UBE2E2: variants seen among roughly 807,000 people sequenced by gnomAD.
The protein encoded by UBE2E2 is ubiquitin conjugating enzyme E2 E2.
A neutral mutation model predicts 24.7 loss-of-function variants in UBE2E2; 6 were observed. That is an observed-to-expected ratio of 0.24 (90% CI 0.13 to 0.48). The LOEUF (loss-of-function observed/expected upper bound fraction) is 0.48, where lower values mean the gene tolerates loss of function less well. Ranked by LOEUF, UBE2E2 falls within the 20% of genes least tolerant of loss-of-function variation. The pLI, the probability that UBE2E2 is intolerant of heterozygous loss-of-function variation, is 0.99. For synonymous variants in UBE2E2, 104 were observed against 83.6 expected (o/e 1.24, Z -1.33); for missense variants, 169 against 245.0 (o/e 0.69, Z 2.07).
chr3:23,521,367 A>G (rs1247142299), intron 4 of UBE2E2, among the ~76,000 whole-genome samples: 1 of 152,222 alleles, frequency 6.6e-6, no homozygotes, highest in Non-Finnish European at 1.5e-5. Flanking sequence ...CATGGAATCC[A>G]TTAACTATCT....
rs182564877 is a variant in UBE2E2, at chr3:23,520,694, A to C, written c.361-11860A>C. Among the ~76,000 whole-genome samples, 384 of 152,286 alleles carry C rather than the reference A, an allele frequency of 2.5e-3. 4 individuals are homozygous for C. Among genetic ancestry groups the C allele is most frequent in the African/African-American group, 8.9e-3 (368 of 41,544 alleles). ...ACAGAGTCTCTGTCATTCAGGCTAG[A>C]GTATATGGTGTAATCATAGCTCACT... On this transcript the variant is annotated intron_variant, in intron 4 of 5. Coordinates refer to ENST00000396703, the MANE Select transcript of UBE2E2 (RefSeq NM_152653.4).
intron 3 of UBE2E2, among the ~76,000 whole-genome samples, chr3:23,346,178 G>A (rs980977346): frequency 6.6e-6 from 1 of 152,134 alleles, no homozygotes; most frequent in Non-Finnish European, 1.5e-5. Context: ...CAAACTCAGA[G>A]CCTGTTGAAT....
intron 3 of UBE2E2, among the ~76,000 whole-genome samples, chr3:23,300,289 A>C (rs1699035711): frequency 6.6e-6 from 1 of 152,022 alleles, no homozygotes; most frequent in African/African-American, 2.4e-5. Flanking sequence ...TTACATTTAA[A>C]GTTAATATTG....
intron 3 of UBE2E2, among the ~76,000 whole-genome samples, chr3:23,301,072 A>C (rs1403351436): frequency 1.3e-5 from 2 of 152,126 alleles, no homozygotes; most frequent in African/African-American, 4.8e-5. Flanking sequence ...CCAACTGATC[A>C]CATTGGCTCC....
chr3:23,275,643 T>G (rs930452975), intron 3 of UBE2E2, among the ~76,000 whole-genome samples: 5 of 152,218 alleles, frequency 3.3e-5, no homozygotes, highest in African/African-American at 1.2e-4. Context: ...AGCAGTCTTA[T>G]TCTCAGTTTT....
At chr3:23,501,618 CAT>C (rs1315241607) in intron 4 of UBE2E2, among the ~76,000 whole-genome samples, 1 of 152,174 alleles carries the variant, frequency 6.6e-6, no homozygotes, top group Admixed American at 6.5e-5. Flanking sequence ...TCTGTCCTCA[CAT>C]GTTTTAGGGA....
intron 3 of UBE2E2, among the ~76,000 whole-genome samples, chr3:23,359,587 A>C (rs1196047432): frequency 6.6e-6 from 1 of 152,222 alleles, no homozygotes; most frequent in Non-Finnish European, 1.5e-5. Flanking sequence ...TCTATTAAAA[A>C]AAATTTGTAG....
At chr3:23,557,668 C>A (rs1319471916) in intron 5 of UBE2E2, among the ~76,000 whole-genome samples, 1 of 152,172 alleles carries the variant, frequency 6.6e-6, no homozygotes, top group Non-Finnish European at 1.5e-5. Context: ...CGTCAACCAA[C>A]ATTGAACAAA....
intron 3 of UBE2E2, among the ~76,000 whole-genome samples, chr3:23,226,424 A>T (rs1051877571): frequency 3.3e-5 from 5 of 151,930 alleles, no homozygotes; most frequent in Non-Finnish European, 7.4e-5. Flanking sequence ...TCTGTATGTG[A>T]TGTCATTTAG....
chr3:23,436,918 G>C (rs771894319), intron 3 of UBE2E2, among the ~76,000 whole-genome samples: 1 of 152,118 alleles, frequency 6.6e-6, no homozygotes, highest in Non-Finnish European at 1.5e-5. Flanking sequence ...CTATGAGCTG[G>C]GTGCTACAAG....
chr3:23,303,720 C>T (rs1274863940), intron 3 of UBE2E2, among the ~76,000 whole-genome samples: 2 of 152,016 alleles, frequency 1.3e-5, no homozygotes, highest in African/African-American at 2.4e-5. Flanking sequence ...ATACAGCGTA[C>T]TTGGAATGAA....
intron 3 of UBE2E2, among the ~76,000 whole-genome samples, chr3:23,310,532 G>A (rs770399818): frequency 6.6e-6 from 1 of 152,144 alleles, no homozygotes; most frequent in African/African-American, 2.4e-5. Flanking sequence ...GAATGAAAAG[G>A]AAAGAGACAA....
intron 3 of UBE2E2, among the ~76,000 whole-genome samples, chr3:23,493,564 A>C (rs1699543056): frequency 6.6e-6 from 1 of 152,220 alleles, no homozygotes; most frequent in South Asian, 2.1e-4. Context: ...AAAATAAAAC[A>C]GTAAGGGAAT....
intron 3 of UBE2E2, among the ~76,000 whole-genome samples, chr3:23,262,191 C>T (rs1575513466): frequency 6.6e-6 from 1 of 152,122 alleles, no homozygotes; most frequent in Non-Finnish European, 1.5e-5. Flanking sequence ...ATTTGCAGTT[C>T]CCTGATGATA....
chr3:23,345,851 A>G (rs1475142770), intron 3 of UBE2E2, among the ~76,000 whole-genome samples: 4 of 152,126 alleles, frequency 2.6e-5, no homozygotes, highest in Admixed American at 2.6e-4. Flanking sequence ...CATTCCTTTC[A>G]AATTTGTATT....
chr3:23,433,837 T>C (rs1431840558), intron 3 of UBE2E2, among the ~76,000 whole-genome samples: 1 of 152,034 alleles, frequency 6.6e-6, no homozygotes, highest in East Asian at 1.9e-4. Flanking sequence ...CATGTCTTGC[T>C]TTTTCACAAG....
At chr3:23,305,304 C>T (rs7627380) in intron 3 of UBE2E2, among the ~76,000 whole-genome samples, 22,576 of 152,204 alleles carry the variant, frequency 0.15, 1,815 homozygotes, top group South Asian at 0.23. Flanking sequence ...TGCTTTCCTT[C>T]GAGACAGCCA....
At chr3:23,208,329 A>G (rs916579035) in intron 1 of UBE2E2, among the ~76,000 whole-genome samples, 5 of 152,196 alleles carry the variant, frequency 3.3e-5, no homozygotes, top group Non-Finnish European at 7.3e-5. Flanking sequence ...ATTTTGTAGC[A>G]TGTAGACACA....
At chr3:23,314,245 C>G (rs1241591337) in intron 3 of UBE2E2, among the ~76,000 whole-genome samples, 1 of 152,166 alleles carries the variant, frequency 6.6e-6, no homozygotes, top group African/African-American at 2.4e-5. Context: ...GCCCCCACCT[C>G]AGCCTCCTGA....
Sources: gnomAD v4.1 joint callset for allele counts (sites outside exome capture counted in the v4.1 genomes callset) on GRCh38, gnomAD v4.1.1 for gene constraint, MANE v1.5 for transcripts, NCBI Gene and HGNC (gene_info 2026-07-23, HGNC 2026-07-21) for gene names.